UCHL3: variants seen among roughly 807,000 people sequenced by gnomAD.
UCHL3 encodes ubiquitin carboxyl-terminal hydrolase isozyme L3.
A neutral mutation model predicts 35.8 loss-of-function variants in UCHL3; 22 were observed. The ratio of observed to expected loss-of-function variants is 0.61; its 90% CI spans 0.44 to 0.88. The LOEUF (loss-of-function observed/expected upper bound fraction) is 0.88, where lower values mean the gene tolerates loss of function less well. UCHL3 is among the 40% of genes least tolerant of loss of function. The probability of loss-of-function intolerance (pLI) is 0.00; values close to 1 mark genes in which losing one functional copy is unlikely to be tolerated. For missense variants in UCHL3, 229 were observed against 276.9 expected (o/e 0.83, Z 1.23); for synonymous variants, 90 against 92.8 (o/e 0.97, Z 0.17).
chr13:75,573,559 A>G (rs557731348), intron 6 of UCHL3, among the ~76,000 whole-genome samples: 1 of 152,174 alleles, frequency 6.6e-6, no homozygotes, highest in South Asian at 2.1e-4. Flanking sequence ...CTTGTAGACT[A>G]CCACCTTCTC....
intron 3 of UCHL3, among the ~76,000 whole-genome samples, chr13:75,562,932 G>A (rs1323454234): frequency 6.6e-6 from 1 of 152,062 alleles, no homozygotes; most frequent in Admixed American, 6.5e-5. Flanking sequence ...ACTTTTAGAT[G>A]TCTTACAGTT....
intron 6 of UCHL3, among the ~76,000 whole-genome samples, chr13:75,592,425 T>TA (rs1566227830): frequency 1.6e-5 from 1 of 63,450 alleles, no homozygotes; most frequent in Non-Finnish European, 3.3e-5. Flanking sequence ...CATATATATA[T>TA]ATATATATAT....
At chr13:75,595,130 G>T in intron 7 of UCHL3, 140 bp downstream of exon 7, 3 of 661,492 alleles carry the variant, frequency 4.5e-6, no homozygotes, top group Non-Finnish European at 7.3e-6. Context: ...CATAGCGACA[G>T]TTTTCCTTTT....
chr13:75,559,763 G>C (rs1424648353), intron 2 of UCHL3, among the ~76,000 whole-genome samples: 1 of 152,164 alleles, frequency 6.6e-6, no homozygotes, highest in Non-Finnish European at 1.5e-5. Flanking sequence ...ATGTGTTCTT[G>C]AGGTAAGATA....
At chr13:75,561,644 C>T (rs2031498655) in intron 3 of UCHL3, among the ~76,000 whole-genome samples, 1 of 151,798 alleles carries the variant, frequency 6.6e-6, no homozygotes, top group Admixed American at 6.6e-5. Context: ...ATGGGAATCA[C>T]TAAGCTTAAA....
intron 6 of UCHL3, among the ~76,000 whole-genome samples, chr13:75,586,789 G>A (rs546296322): frequency 1.1e-4 from 17 of 151,778 alleles, no homozygotes; most frequent in African/African-American, 4.1e-4. Context: ...GGATCAAAGA[G>A]GAATCACAAG....
intron 7 of UCHL3, among the ~76,000 whole-genome samples, chr13:75,600,552 C>T (rs899734139): frequency 3.3e-5 from 5 of 152,100 alleles, no homozygotes; most frequent in East Asian, 1.9e-4. Flanking sequence ...ACAACAGAGC[C>T]GGGATGATAG....
chr13:75,589,393 T>A (rs1566226075), intron 6 of UCHL3, among the ~76,000 whole-genome samples: 1 of 152,218 alleles, frequency 6.6e-6, no homozygotes, highest in Non-Finnish European at 1.5e-5. Flanking sequence ...ATATTTTCCA[T>A]GTAACCTGTC....
At chr13:75,567,417 AT>A in intron 5 of UCHL3, 105 bp downstream of exon 5, 1 of 948,892 alleles carries the variant, frequency 1.1e-6, no homozygotes, top group Non-Finnish European at 1.6e-6. Flanking sequence ...GCAATTATGG[AT>A]TTTATTGTAT....
intron 6 of UCHL3, among the ~76,000 whole-genome samples, chr13:75,590,674 G>T (rs1193623930): frequency 1.3e-5 from 2 of 151,988 alleles, no homozygotes; most frequent in African/African-American, 2.4e-5. Context: ...GGTGGCTCAG[G>T]TACTTGGTTT....
intron 6 of UCHL3, among the ~76,000 whole-genome samples, chr13:75,589,706 T>G (rs948017305): frequency 3.3e-5 from 5 of 152,220 alleles, no homozygotes; most frequent in Admixed American, 3.3e-4. Flanking sequence ...GATATGTGAA[T>G]ATTATCAATG....
chr13:75,583,540 A>G (rs1327265028), intron 6 of UCHL3, among the ~76,000 whole-genome samples: 1 of 152,212 alleles, frequency 6.6e-6, no homozygotes, highest in Non-Finnish European at 1.5e-5. Context: ...AGTTTAGAAC[A>G]TCTGGTAAAA....
chr13:75,551,431 A>AG (rs1216084668), intron 2 of UCHL3, among the ~76,000 whole-genome samples: 5 of 117,464 alleles, frequency 4.3e-5, no homozygotes, highest in Non-Finnish European at 3.7e-5. Context: ...ACTCTGTCTC[A>AG]AAAAAAAAAA....
At chr13:75,602,150 A>G (rs1261110663) in intron 7 of UCHL3, among the ~76,000 whole-genome samples, 1 of 152,152 alleles carries the variant, frequency 6.6e-6, no homozygotes, top group African/African-American at 2.4e-5. Flanking sequence ...CAAAACCAGT[A>G]AAACAGTTTT....
chr13:75,602,520 A>C (rs1035851556), intron 7 of UCHL3, among the ~76,000 whole-genome samples: 1 of 152,160 alleles, frequency 6.6e-6, no homozygotes, highest in Non-Finnish European at 1.5e-5. Context: ...TGTAAGTGTG[A>C]CAGTCTCTGA....
At chr13:75,565,904 C>T (rs995120161) in intron 3 of UCHL3, among the ~76,000 whole-genome samples, 14 of 152,156 alleles carry the variant, frequency 9.2e-5, no homozygotes, top group African/African-American at 3.1e-4. Context: ...TGAGCCAGGA[C>T]GTGGGCCCAG....
chr13:75,571,770 G>A (rs1427062842), intron 6 of UCHL3, among the ~76,000 whole-genome samples: 1 of 152,098 alleles, frequency 6.6e-6, no homozygotes, highest in African/African-American at 2.4e-5. Context: ...TTACACTGCT[G>A]TGTACTCCCA....
intron 6 of UCHL3, among the ~76,000 whole-genome samples, chr13:75,582,036 T>C (rs1214747344): frequency 2.6e-5 from 4 of 152,176 alleles, no homozygotes; most frequent in Non-Finnish European, 5.9e-5. Flanking sequence ...AACACTGAAA[T>C]TGGAGCTGGG....
intron 3 of UCHL3, among the ~76,000 whole-genome samples, chr13:75,565,564 G>C (rs890567463): frequency 2.6e-5 from 4 of 152,158 alleles, no homozygotes; most frequent in African/African-American, 9.7e-5. Flanking sequence ...GGACTAGATA[G>C]TAAATATTTT....
Sources: gnomAD v4.1 joint callset for allele counts (sites outside exome capture counted in the v4.1 genomes callset) on GRCh38, gnomAD v4.1.1 for gene constraint, MANE v1.5 for transcripts, NCBI Gene and HGNC (gene_info 2026-07-23, HGNC 2026-07-21) for gene names.